PDK1: variants seen among roughly 807,000 people sequenced by gnomAD.
PDK1 encodes pyruvate dehydrogenase kinase 1.
PDK1 carries 39 observed loss-of-function variants against 54.2 expected under a neutral mutation model. The observed-to-expected ratio is 0.72, with a 90% CI of 0.56 to 0.94. PDK1 has a LOEUF of 0.94. PDK1 is among the 40% of genes least tolerant of loss of function. The pLI is 0.00. For synonymous variants in PDK1, 221 were observed against 207.1 expected (o/e 1.07, Z -0.58); for missense variants, 552 against 566.0 (o/e 0.98, Z 0.25).
At position 172,597,890 on chromosome 2, in the gene PDK1, CA is replaced by C. The variant is rs1690972995; in HGVS notation, c.*1922del. ...CCTTGGAAGGATTATATAAGATGAA[CA>C]GTTGTGATAAATGTGTAGATTAGAG... On this transcript the variant is annotated 3_prime_UTR_variant, in exon 11 of 11. Transcript: ENST00000282077. 2.6e-5 allele frequency: 4 copies of C among 152,248 alleles called. No individual in the cohort carries two copies. The South Asian group carries it at 8.3e-4, about 32-fold the overall frequency. 9.4% of individuals were successfully genotyped at this position (152,248 alleles called of 1,614,324 possible). A position where few individuals can be genotyped will look rare whatever the true frequency, so the allele number is the denominator to read the frequency against.
rs1691020178 is a variant in PDK1, at chr2:172,599,036, T to G, written c.*3067T>G. 1 of 152,106 alleles carries G rather than the reference T, an allele frequency of 6.6e-6. No homozygotes were observed. Among genetic ancestry groups the G allele is most frequent in the Admixed American group, 6.6e-5 (1 of 15,264 alleles). The allele number at this position is 152,106 out of a possible 1,614,324, so 9.4% of individuals were successfully genotyped here. ...TTGTATGTTTGACTTACCTTAGATT[T>G]TTATTTTCCATACATACTGCAAATG... On this transcript the variant is annotated 3_prime_UTR_variant, in exon 11 of 11. Coordinates refer to ENST00000282077, the MANE Select transcript of PDK1 (RefSeq NM_002610.5).
the PDK1 span, among the ~76,000 whole-genome samples, chr2:172,615,633 A>G: frequency 6.6e-6 from 1 of 152,292 alleles, no homozygotes; most frequent in East Asian, 1.9e-4. Flanking sequence ...CAAAAAAAAA[A>G]ACATTAATTA....
intron 8 of PDK1, among the ~76,000 whole-genome samples, chr2:172,586,027 C>T (rs1426771839): frequency 2.0e-5 from 3 of 151,844 alleles, no homozygotes; most frequent in Admixed American, 6.6e-5. Flanking sequence ...GGCATGGTGG[C>T]AGGCGCCTGT....
At chr2:172,566,694 A>G (rs1558931675) in intron 5 of PDK1, among the ~76,000 whole-genome samples, 162 bp from the exon 6 acceptor site, 1 of 133,374 alleles carries the variant, frequency 7.5e-6, no homozygotes, top group Non-Finnish European at 1.6e-5. Flanking sequence ...TGTCTCTACC[A>G]AAAAAAAAAA....
chr2:172,640,960 T>G, the PDK1 span, among the ~76,000 whole-genome samples: 1 of 148,108 alleles, frequency 6.8e-6, no homozygotes, highest in Non-Finnish European at 1.5e-5. Context: ...TCTCTTTCTC[T>G]GTTTCTCTCT....
the PDK1 span, among the ~76,000 whole-genome samples, chr2:172,675,876 AGGCTG>A: frequency 2.9e-4 from 44 of 152,322 alleles, no homozygotes; most frequent in Middle Eastern, 3.4e-3. Context: ...TCCAAAGGAC[AGGCTG>A]ACTCTCTTGT....
At chr2:172,626,326 A>T in the PDK1 span, among the ~76,000 whole-genome samples, 1 of 146,158 alleles carries the variant, frequency 6.8e-6, no homozygotes, top group Admixed American at 6.7e-5. Context: ...GGGGGTGATT[A>T]AAAAAAAGGA....
chr2:172,634,158 G>A, the PDK1 span, among the ~76,000 whole-genome samples: 6 of 151,060 alleles, frequency 4.0e-5, no homozygotes, highest in Non-Finnish European at 5.9e-5. Context: ...GATTACAGGC[G>A]TGAGCCGATG....
At chr2:172,593,260 T>C (rs1480940905) in intron 10 of PDK1, among the ~76,000 whole-genome samples, 1 of 152,184 alleles carries the variant, frequency 6.6e-6, no homozygotes, top group Non-Finnish European at 1.5e-5. Flanking sequence ...ACTCTGTCTA[T>C]TAATAGGAAA....
chr2:172,667,056 G>A, the PDK1 span, among the ~76,000 whole-genome samples: 2 of 152,144 alleles, frequency 1.3e-5, no homozygotes, highest in African/African-American at 2.4e-5. Flanking sequence ...TGGGCTTTTC[G>A]TGTAACCATC....
At chr2:172,685,547 A>G in the PDK1 span, among the ~76,000 whole-genome samples, 2 of 152,244 alleles carry the variant, frequency 1.3e-5, no homozygotes. Context: ...CCTCATTTGT[A>G]AAATGAAAAT....
chr2:172,634,969 A>G, the PDK1 span, among the ~76,000 whole-genome samples: 3 of 152,158 alleles, frequency 2.0e-5, no homozygotes, highest in Non-Finnish European at 4.4e-5. Context: ...ATTGAAAACT[A>G]ATTGTTTAAA....
chr2:172,641,268 AG>A, the PDK1 span, among the ~76,000 whole-genome samples: 1 of 151,816 alleles, frequency 6.6e-6, no homozygotes, highest in African/African-American at 2.4e-5. Context: ...CTGGTACTAT[AG>A]GCACGAATCA....
At chr2:172,638,994 GAAGAA>G in the PDK1 span, among the ~76,000 whole-genome samples, 38 of 152,088 alleles carry the variant, frequency 2.5e-4, no homozygotes, top group Non-Finnish European at 3.7e-4. Flanking sequence ...AGAAACTGCA[GAAGAA>G]AAGAAAAAAC....
chr2:172,687,346 TA>T, the PDK1 span, among the ~76,000 whole-genome samples: 1 of 150,906 alleles, frequency 6.6e-6, no homozygotes, highest in Non-Finnish European at 1.5e-5. Context: ...TTTTTTTTTT[TA>T]AAAAAACATA....
At chr2:172,586,152 C>T (rs937102858) in intron 8 of PDK1, 126 bp from the exon 9 acceptor site, 1 of 526,124 alleles carries the variant, frequency 1.9e-6, no homozygotes, top group African/African-American at 2.1e-5. Context: ...AAGCGAGACT[C>T]TGTCTCAAAA....
chr2:172,695,829 G>T, the PDK1 span, among the ~76,000 whole-genome samples: 2 of 152,038 alleles, frequency 1.3e-5, no homozygotes, highest in Non-Finnish European at 2.9e-5. Context: ...AAAAGCTAGG[G>T]CCCTCAGTCC....
At chr2:172,613,118 C>A (rs1471099178), downstream of PDK1, among the ~76,000 whole-genome samples, 1 of 152,210 alleles carries the variant, frequency 6.6e-6, no homozygotes, top group Non-Finnish European at 1.5e-5. Flanking sequence ...CATAGAGAAC[C>A]TCAGACCATG....
At chr2:172,630,311 A>G in the PDK1 span, among the ~76,000 whole-genome samples, 1 of 152,282 alleles carries the variant, frequency 6.6e-6, no homozygotes. Flanking sequence ...TTGATCTGCT[A>G]GAGTACTTCA....
Sources: gnomAD v4.1 joint callset for allele counts (sites outside exome capture counted in the v4.1 genomes callset) on GRCh38, gnomAD v4.1.1 for gene constraint, MANE v1.5 for transcripts, NCBI Gene and HGNC (gene_info 2026-07-23, HGNC 2026-07-21) for gene names.